Variants in GPC3 observed in about 807,000 individuals in gnomAD.
The protein encoded by GPC3 is glypican 3.
A neutral mutation model predicts 34.4 loss-of-function variants in GPC3; 3 were observed. That is an observed-to-expected ratio of 0.09 (90% confidence interval 0.04 to 0.23). GPC3 has a LOEUF of 0.23. Ranked by LOEUF, GPC3 falls within the 10% of genes least tolerant of loss-of-function variation. The probability of loss-of-function intolerance (pLI) is 1.00; values close to 1 mark genes in which losing one functional copy is unlikely to be tolerated. For synonymous variants in GPC3, 177 were observed against 174.0 expected (o/e 1.02, Z -0.13); for missense variants, 351 against 445.6 (o/e 0.79, Z 1.91).
chrX:133,833,158 T>C, intron 2 of GPC3, among the ~76,000 whole-genome samples: 1 of 111,900 alleles, frequency 8.9e-6, no homozygotes, highest in Non-Finnish European at 1.9e-5. Flanking sequence ...CAGGTTTTTA[T>C]AGTTAGGATG....
intron 2 of GPC3, among the ~76,000 whole-genome samples, chrX:133,937,081 A>C (rs915433524): frequency 3.6e-5 from 4 of 110,535 alleles, no homozygotes; most frequent in Non-Finnish European, 7.6e-5. Context: ...GGGGCAGTAG[A>C]AATTATCTGG....
intron 2 of GPC3, among the ~76,000 whole-genome samples, chrX:133,894,151 A>G (rs1462958257): frequency 1.8e-5 from 2 of 111,865 alleles, no homozygotes; most frequent in African/African-American, 3.2e-5. Flanking sequence ...CCTGATTAAA[A>G]GTCTTGACCT....
chrX:133,570,443 C>T (rs2069618437), intron 7 of GPC3, among the ~76,000 whole-genome samples: 2 of 111,667 alleles, frequency 1.8e-5, no homozygotes, highest in East Asian at 2.8e-4. Context: ...TCAGGTGATC[C>T]GCCTGCCTCG....
chrX:133,791,528 T>C (rs948791131), intron 2 of GPC3, among the ~76,000 whole-genome samples: 2 of 111,809 alleles, frequency 1.8e-5, no homozygotes, highest in Non-Finnish European at 3.8e-5. Context: ...TATCTTTTTC[T>C]GTTATCTTAC....
chrX:133,982,052 T>G (rs1405195904), intron 1 of GPC3, among the ~76,000 whole-genome samples: 2 of 112,071 alleles, frequency 1.8e-5, no homozygotes, highest in Non-Finnish European at 3.8e-5. Context: ...GAATTACACT[T>G]GATTTTTGTT....
intron 1 of GPC3, among the ~76,000 whole-genome samples, chrX:133,964,264 T>C (rs1378198829): frequency 8.9e-6 from 1 of 111,903 alleles, no homozygotes; most frequent in Non-Finnish European, 1.9e-5. Context: ...AAAGGAAGGC[T>C]TTTGCTTCAC....
At chrX:133,882,795 T>C (rs947027629) in intron 2 of GPC3, among the ~76,000 whole-genome samples, 1 of 111,762 alleles carries the variant, frequency 8.9e-6, no homozygotes. Context: ...AAAGATATCC[T>C]GGTCAGAGGC....
chrX:133,718,918 T>C (rs2071337599), intron 3 of GPC3, among the ~76,000 whole-genome samples: 1 of 111,688 alleles, frequency 9.0e-6, no homozygotes, highest in Admixed American at 9.6e-5. Context: ...TATCAACATA[T>C]ATGTACATGA....
intron 5 of GPC3, among the ~76,000 whole-genome samples, chrX:133,685,285 G>T: frequency 9.0e-6 from 1 of 111,479 alleles, no homozygotes; most frequent in African/African-American, 3.3e-5. Flanking sequence ...CTCATGAATT[G>T]GGTGTTCATG....
intron 2 of GPC3, among the ~76,000 whole-genome samples, chrX:133,840,958 T>A (rs1387137075): frequency 1.8e-5 from 2 of 111,339 alleles, no homozygotes; most frequent in Admixed American, 9.6e-5. Flanking sequence ...AATAAGTGTT[T>A]GAAATGAACC....
At chrX:133,900,815 C>T (rs1215265182) in intron 2 of GPC3, among the ~76,000 whole-genome samples, 1 of 111,667 alleles carries the variant, frequency 9.0e-6, no homozygotes, top group Non-Finnish European at 1.9e-5. Flanking sequence ...GAAATGGCTT[C>T]CCACACAAGC....
intron 6 of GPC3, among the ~76,000 whole-genome samples, chrX:133,617,402 G>A (rs2124353841): frequency 8.9e-6 from 1 of 112,532 alleles, no homozygotes; most frequent in African/African-American, 3.2e-5. Context: ...TAATGGCTGT[G>A]TGCCCTTGTA....
At chrX:133,644,766 G>C (rs2070523108) in intron 6 of GPC3, among the ~76,000 whole-genome samples, 1 of 110,992 alleles carries the variant, frequency 9.0e-6, no homozygotes, top group Non-Finnish European at 1.9e-5. Context: ...AATGCTGCAG[G>C]GATTCTTTCT....
At chrX:133,538,632 T>G (rs79463498) in intron 7 of GPC3, among the ~76,000 whole-genome samples, 1 of 107,245 alleles carries the variant, frequency 9.3e-6, no homozygotes, top group Admixed American at 1.0e-4. Flanking sequence ...TTTTTTTTTT[T>G]GCCAGTAAAG....
At chrX:133,763,599 T>C in intron 2 of GPC3, 7 of 711,097 alleles carry the variant, frequency 9.8e-6, no homozygotes, top group South Asian at 2.1e-5. Context: ...AAGACTGGAG[T>C]GCTCAGCCTG....
At chrX:133,745,017 TG>T (rs1236562618) in intron 3 of GPC3, among the ~76,000 whole-genome samples, 51 of 107,721 alleles carry the variant, frequency 4.7e-4, no homozygotes, top group African/African-American at 1.6e-3. Context: ...TGTCGGTGGG[TG>T]GGGGGTTGGG....
At chrX:133,942,335 C>T (rs75887861) in intron 2 of GPC3, among the ~76,000 whole-genome samples, 4,702 of 111,607 alleles carry the variant, frequency 0.042, 114 homozygotes, top group Non-Finnish European at 0.064. Context: ...TTTAATTACA[C>T]GGACATTATT....
intron 2 of GPC3, among the ~76,000 whole-genome samples, chrX:133,892,754 G>A (rs1020532189): frequency 3.6e-5 from 4 of 110,257 alleles, no homozygotes; most frequent in African/African-American, 1.3e-4. Flanking sequence ...CCTTGGAGAG[G>A]ACTAAAGGAA....
chrX:133,596,368 G>C lies in GPC3; in HGVS notation c.1573+72C>G, dbSNP rs187714908. The C allele has an allele frequency of 4.0e-4, 364 of 908,617 alleles. 3 individuals carry two copies. The African/African-American group carries it at 6.0e-3, about 15-fold the overall frequency. The allele number at this position is 908,617 out of a possible 1,213,427, so 74.9% of individuals were successfully genotyped here. On this transcript the variant is annotated intron_variant, in intron 7 of 7. Coordinates refer to ENST00000370818, the MANE Select transcript of GPC3 (RefSeq NM_004484.4). Reference sequence around the variant, plus strand: ...GGAATGTAAGGGAATTGCAGACAGCGGGTTCAATTTATTTTTAATTCCTGA... The same window carrying C: ...GGAATGTAAGGGAATTGCAGACAGCCGGTTCAATTTATTTTTAATTCCTGA...
Sources: gnomAD v4.1 joint callset for allele counts (sites outside exome capture counted in the v4.1 genomes callset) on GRCh38, gnomAD v4.1.1 for gene constraint, MANE v1.5 for transcripts, NCBI Gene and HGNC (gene_info 2026-07-23, HGNC 2026-07-21) for gene names.